The following FBXL7 variants were observed in gnomAD, a reference collection of about 807,000 sequenced individuals.
FBXL7 encodes the protein F-box/LRR-repeat protein 7.
Under a neutral mutation model 38.3 loss-of-function variants are expected in FBXL7, and 12 were observed. The observed-to-expected ratio is 0.31, with a 90% CI of 0.20 to 0.51. The LOEUF (loss-of-function observed/expected upper bound fraction) is 0.51. Ranked by LOEUF, FBXL7 falls within the 20% of genes least tolerant of loss-of-function variation. The pLI, the probability that FBXL7 is intolerant of heterozygous loss-of-function variation, is 0.98. For missense variants in FBXL7, 567 were observed against 676.4 expected (o/e 0.84, Z 1.79); for synonymous variants, 297 against 300.9 (o/e 0.99, Z 0.13).
intron 1 of FBXL7, among the ~76,000 whole-genome samples, chr5:15,565,927 A>G (rs928452115): frequency 1.3e-5 from 2 of 152,134 alleles, no homozygotes; most frequent in Non-Finnish European, 2.9e-5. Flanking sequence ...ATCTTATCCA[A>G]AAACATCCTC....
At chr5:15,792,399 T>C (rs1737299157) in intron 2 of FBXL7, among the ~76,000 whole-genome samples, 1 of 152,164 alleles carries the variant, frequency 6.6e-6, no homozygotes, top group Admixed American at 6.5e-5. Context: ...GCCCATCCTT[T>C]CAAAGGTAAG....
In FBXL7 at chr5:15,534,506, T is replaced by C. The variant is rs116327166; in HGVS notation, c.37+33793T>C. 2.3e-3 allele frequency among the ~76,000 whole-genome samples: 343 copies of C among 152,326 alleles called. 2 individuals are homozygous for C. Among genetic ancestry groups the C allele is most frequent in the African/African-American group, 7.4e-3 (306 of 41,572 alleles). ...TTCATGATTTGATAGCTCATTTCTT[T>C]TTAGATTTGAATAATATTCCAATAT... is the stretch of plus-strand genomic sequence containing the variant. On this transcript the variant is annotated intron_variant, in intron 1 of 3. Transcript: ENST00000504595.
intron 2 of FBXL7, among the ~76,000 whole-genome samples, chr5:15,777,694 G>A (rs1346116920): frequency 1.7e-5 from 2 of 119,562 alleles, no homozygotes; most frequent in East Asian, 2.8e-4. Flanking sequence ...AATTGGCTAC[G>A]TATTGTTTGC....
intron 1 of FBXL7, among the ~76,000 whole-genome samples, chr5:15,545,694 T>C (rs1033205341): frequency 6.6e-6 from 1 of 152,256 alleles, no homozygotes; most frequent in Non-Finnish European, 1.5e-5. Flanking sequence ...CAGATGTTGC[T>C]CTTTATATGT....
At chr5:15,813,208 G>T (rs1186058137) in intron 2 of FBXL7, among the ~76,000 whole-genome samples, 3 of 151,982 alleles carry the variant, frequency 2.0e-5, no homozygotes, top group Non-Finnish European at 4.4e-5. Flanking sequence ...GTCTTGCGTT[G>T]TACTGGTACC....
intron 2 of FBXL7, among the ~76,000 whole-genome samples, chr5:15,877,377 A>G (rs1740253618): frequency 6.6e-6 from 1 of 152,220 alleles, no homozygotes; most frequent in Non-Finnish European, 1.5e-5. Flanking sequence ...GAAAAGTTAG[A>G]CTAATGTGAA....
intron 2 of FBXL7, among the ~76,000 whole-genome samples, chr5:15,751,795 T>G (rs1341486860): frequency 6.6e-6 from 1 of 152,180 alleles, no homozygotes; most frequent in Non-Finnish European, 1.5e-5. Context: ...TCTCATTACT[T>G]TTGTAGCAGA....
intron 2 of FBXL7, among the ~76,000 whole-genome samples, chr5:15,671,336 T>G (rs967023482): frequency 6.6e-6 from 1 of 152,222 alleles, no homozygotes; most frequent in Non-Finnish European, 1.5e-5. Flanking sequence ...CTTGAATCAA[T>G]AATGCCACAC....
intron 2 of FBXL7, among the ~76,000 whole-genome samples, chr5:15,891,798 C>T (rs1313828572): frequency 5.3e-5 from 8 of 152,196 alleles, no homozygotes; most frequent in Non-Finnish European, 1.2e-4. Context: ...CAGGTATAGA[C>T]AGTACCCACG....
chr5:15,829,501 T>C (rs1047169969), intron 2 of FBXL7, among the ~76,000 whole-genome samples: 2 of 152,118 alleles, frequency 1.3e-5, no homozygotes, highest in Non-Finnish European at 2.9e-5. Context: ...CATGGTCCAA[T>C]ATCATCTCAA....
chr5:15,614,006 C>T (rs1479309238), intron 1 of FBXL7, among the ~76,000 whole-genome samples: 5 of 152,110 alleles, frequency 3.3e-5, no homozygotes, highest in South Asian at 4.1e-4. Context: ...GGGCACTAAG[C>T]AGAGTCCTCA....
At chr5:15,935,419 C>G (rs1314889877) in intron 3 of FBXL7, among the ~76,000 whole-genome samples, 1 of 110,468 alleles carries the variant, frequency 9.1e-6, no homozygotes, top group Non-Finnish European at 1.8e-5. Context: ...GCTTCGAGTT[C>G]CGTTTTCCAA....
chr5:15,714,626 G>A (rs528527874), intron 2 of FBXL7, among the ~76,000 whole-genome samples: 3 of 152,002 alleles, frequency 2.0e-5, no homozygotes, highest in African/African-American at 2.4e-5. Context: ...AGGCCGAGGC[G>A]GGTGGATCAC....
chr5:15,932,731 A>G (rs1201195354), intron 3 of FBXL7, among the ~76,000 whole-genome samples: 1 of 152,102 alleles, frequency 6.6e-6, no homozygotes, highest in African/African-American at 2.4e-5. Flanking sequence ...ATTAATATAT[A>G]TGCAAATTGG....
At chr5:15,736,603 G>A (rs367707172) in intron 2 of FBXL7, among the ~76,000 whole-genome samples, 25 of 152,256 alleles carry the variant, frequency 1.6e-4, no homozygotes, top group African/African-American at 5.8e-4. Context: ...GCTTGTTGTT[G>A]CTACTTCATC....
chr5:15,741,761 G>A (rs1247333084), intron 2 of FBXL7, among the ~76,000 whole-genome samples: 1 of 152,128 alleles, frequency 6.6e-6, no homozygotes, highest in Non-Finnish European at 1.5e-5. Flanking sequence ...AGGAGTTATA[G>A]CACCATTTAA....
At chr5:15,755,279 G>A (rs1736266573) in intron 2 of FBXL7, among the ~76,000 whole-genome samples, 1 of 152,136 alleles carries the variant, frequency 6.6e-6, no homozygotes, top group African/African-American at 2.4e-5. Context: ...TGTAATTAGG[G>A]AGAATCAATA....
At chr5:15,855,225 A>G (rs932055101) in intron 2 of FBXL7, among the ~76,000 whole-genome samples, 1 of 152,166 alleles carries the variant, frequency 6.6e-6, no homozygotes, top group Admixed American at 6.5e-5. Context: ...TTTTTATTTC[A>G]AAAGACATAA....
chr5:15,604,189 G>T (rs1739915603), intron 1 of FBXL7, among the ~76,000 whole-genome samples: 1 of 152,062 alleles, frequency 6.6e-6, no homozygotes, highest in Admixed American at 6.6e-5. Context: ...AGGGAGGACT[G>T]TGTGAAAGTC....
Sources: gnomAD v4.1 joint callset for allele counts (sites outside exome capture counted in the v4.1 genomes callset) on GRCh38, gnomAD v4.1.1 for gene constraint, MANE v1.5 for transcripts, NCBI Gene and HGNC (gene_info 2026-07-23, HGNC 2026-07-21) for gene names.